The following ZBTB38 variants were observed in gnomAD, a reference collection of about 807,000 sequenced individuals.
ZBTB38 encodes zinc finger and BTB domain containing 38, also known as zinc finger and BTB domain-containing protein 38.
Under a neutral mutation model 76.8 loss-of-function variants are expected in ZBTB38, and 20 were observed. That is an observed-to-expected ratio of 0.26 (90% CI 0.18 to 0.38). The LOEUF (loss-of-function observed/expected upper bound fraction) is 0.38, where lower values mean the gene tolerates loss of function less well. Among genes scored for constraint, ZBTB38 ranks in the 10% least tolerant of loss-of-function variants. The pLI is 1.00. For synonymous variants in ZBTB38, 504 were observed against 544.2 expected (o/e 0.93, Z 1.03); for missense variants, 1,082 against 1,482.3 (o/e 0.73, Z 4.43).
intron 5 of ZBTB38, among the ~76,000 whole-genome samples, chr3:141,406,488 A>G (rs1178458713): frequency 9.9e-5 from 15 of 152,222 alleles, no homozygotes; most frequent in Non-Finnish European, 1.3e-4. Context: ...GAGGAAACTC[A>G]GAAGGAGGTA....
intron 4 of ZBTB38, among the ~76,000 whole-genome samples, chr3:141,395,825 C>T (rs906629086): frequency 2.6e-5 from 4 of 152,118 alleles, no homozygotes; most frequent in South Asian, 2.1e-4. Context: ...TTTAGTTTCC[C>T]GGTGCATATA....
chr3:141,445,033 A>G lies in ZBTB38; in HGVS notation c.2645A>G (p.Glu882Gly). The G allele has an allele frequency of 6.2e-7, 1 of 1,614,228 alleles. No individual in the cohort carries two copies. Residue 882 changes from glutamate (E) to glycine (G), a missense_variant, in exon 6 of 6, where the codon GAA becomes GGA. Around this residue, in one of 8 missense-constraint regions of ZBTB38, gnomAD observed 471 missense variants for 581.0 expected, o/e 0.81. Coordinates refer to ENST00000321464, the MANE Select transcript of ZBTB38 (RefSeq NM_001376113.1). This position sits in a 1 kb window ranked among gnomAD's most constrained non-coding sequence, Gnocchi z 6.5. ...CCTTTGCCACAGGGGAATGACCCAG[A>G]ACCCAGTGGAGACAGCCCACTCGGG... ...EEPLPQGNDP[E>G]PSGDSPLGLC... is the part of the protein sequence containing the mutation.
In ZBTB38 at chr3:141,442,594, T is replaced by C; in HGVS notation, c.206T>C (p.Ile69Thr). The change falls in exon 6 of 6, where the codon ATT becomes ACT. Residue 69 changes from isoleucine to threonine, a missense_variant. Around this residue, in one of 8 missense-constraint regions of ZBTB38, gnomAD observed 68 missense variants for 153.0 expected, o/e 0.44. Coordinates refer to ENST00000321464, the MANE Select transcript of ZBTB38 (RefSeq NM_001376113.1). The surrounding 1 kb of genome is among the most constrained non-coding windows in gnomAD (Gnocchi z 6.4). ...ATCTTTTGGAGCCATACAATCTGTATTTCCAGCCACGTCCTGGAGCTGGAC... is the reference window on the plus strand; with the variant it reads ...ATCTTTTGGAGCCATACAATCTGTACTTCCAGCCACGTCCTGGAGCTGGAC... The part of the protein sequence containing the change: ...KNIFWSHTIC[I>T]SSHVLELDDL... 6.2e-7 allele frequency: 1 copy of C among 1,614,214 alleles called. No individual in the cohort carries two copies. Among genetic ancestry groups the C allele is most frequent in the Non-Finnish European group, 8.5e-7 (1 of 1,180,028 alleles).
intron 4 of ZBTB38, among the ~76,000 whole-genome samples, chr3:141,390,959 A>G (rs1948691651): frequency 6.6e-6 from 1 of 152,214 alleles, no homozygotes; most frequent in South Asian, 2.1e-4. Context: ...GTTTGAGACC[A>G]GCCTGGGCAA....
chr3:141,364,153 G>A (rs1943892138), upstream of ZBTB38, among the ~76,000 whole-genome samples: 1 of 151,784 alleles, frequency 6.6e-6, no homozygotes, highest in Non-Finnish European at 1.5e-5. Context: ...TAGGCCGAGT[G>A]TGGTGGCTCA....
chr3:141,342,411 A>AAAAAAAAAAG (rs1943224540), intron 1 of ZBTB38, among the ~76,000 whole-genome samples: 1 of 150,926 alleles, frequency 6.6e-6, no homozygotes. Flanking sequence ...AAAAAAAAAA[A>AAAAAAAAAAG]GTAACAATGG....
In ZBTB38 at chr3:141,424,615, T is replaced by C. The variant is rs373964076; in HGVS notation, c.1-17774T>C. Among the ~76,000 whole-genome samples, 5 of 152,166 alleles carry C rather than the reference T, an allele frequency of 3.3e-5. No individual in the cohort carries two copies. The South Asian group carries it at 6.2e-4, about 19-fold the overall frequency. On this transcript the variant is annotated intron_variant, in intron 5 of 5. Coordinates refer to ENST00000321464, the MANE Select transcript of ZBTB38 (RefSeq NM_001376113.1). ...TAAAGAAAGAAAATTATTTAAATGA[T>C]AGTTATAATTAAATGCCTGTATGTG...
chr3:141,423,107 C>T (rs571258799), intron 5 of ZBTB38, among the ~76,000 whole-genome samples: 3 of 152,274 alleles, frequency 2.0e-5, no homozygotes, highest in East Asian at 3.9e-4. Context: ...CCTGACGATA[C>T]GGCCTGCAGA....
At chr3:141,337,288 A>G (rs763704938) in intron 1 of ZBTB38, among the ~76,000 whole-genome samples, 30 of 152,354 alleles carry the variant, frequency 2.0e-4, no homozygotes, top group Admixed American at 3.3e-4. Context: ...AACACGTAGA[A>G]ATGCCTCATC....
At chr3:141,429,285 C>T (rs1341724370) in intron 5 of ZBTB38, among the ~76,000 whole-genome samples, 4 of 108,086 alleles carry the variant, frequency 3.7e-5, no homozygotes, top group African/African-American at 1.0e-4. Context: ...TTGCTTTTTG[C>T]GGGGATTGTG....
At position 141,339,368 on chromosome 3, in the gene ZBTB38, G is replaced by A. The variant is rs1004300829; in HGVS notation, c.-739+14912G>A. Reference sequence around the variant, plus strand: ...CCTTTGGAGCATTTTGAACAGAAGAGTAGTATGATCTTGTTTAAGTTTTTA... The same window carrying A: ...CCTTTGGAGCATTTTGAACAGAAGAATAGTATGATCTTGTTTAAGTTTTTA... On this transcript the variant is annotated intron_variant, in intron 1 of 7. Transcript: ENST00000509842. 2.0e-5 allele frequency among the ~76,000 whole-genome samples: 3 copies of A among 152,174 alleles called. No homozygotes were observed. The East Asian group carries it at 5.8e-4, about 29-fold the overall frequency.
chr3:141,360,698 G>T (rs536232072), intron 1 of ZBTB38, among the ~76,000 whole-genome samples: 99 of 152,226 alleles, frequency 6.5e-4, no homozygotes, highest in African/African-American at 2.3e-3. Flanking sequence ...CTTCACCTCG[G>T]CACTATCGAC....
chr3:141,445,919 A>C lies in ZBTB38; in HGVS notation c.3531A>C (p.Ser1177=). 1 of 1,606,006 alleles carries C rather than the reference A, an allele frequency of 6.2e-7. No homozygotes were observed. ...NPLENQHFIG[S]EDNDQKDNIQ... ...TGGAGAATCAACATTTCATTGGTTC[A>C]GAAGACAATGACCAAAAGGATAACA... The change falls in exon 6 of 6, where the codon TCA becomes TCC. Residue 1177 remains serine, a synonymous_variant. Coordinates refer to ENST00000321464, the MANE Select transcript of ZBTB38 (RefSeq NM_001376113.1). The surrounding 1 kb of genome is among the most constrained non-coding windows in gnomAD (Gnocchi z 6.5).
rs1267808052 is a variant in ZBTB38, at chr3:141,443,304, C to T, written c.916C>T (p.Arg306Cys). The T allele has an allele frequency of 9.3e-6, 15 of 1,614,076 alleles. No homozygotes were observed. Among genetic ancestry groups the T allele is most frequent in the South Asian group, 6.6e-5 (6 of 91,084 alleles). Residue 306 changes from arginine (R) to cysteine (C), a missense_variant, in exon 6 of 6, where the codon CGT becomes TGT. Physicochemically the swap from Arg to Cys is radical, Grantham distance 180. This residue lies in a region of ZBTB38 where 324 missense variants were observed against 359.1 expected (regional missense o/e 0.90). Coordinates refer to ENST00000321464, the MANE Select transcript of ZBTB38 (RefSeq NM_001376113.1). This position sits in a 1 kb window ranked among gnomAD's most constrained non-coding sequence, Gnocchi z 5.6. ...RSPQPAAVLT[R>C]SKSPNNEGDV... Reference sequence around the variant, plus strand: ...TCCACAACCAGCTGCTGTTCTCACTCGTTCAAAATCTCCAAACAATGAAGG... The same window carrying T: ...TCCACAACCAGCTGCTGTTCTCACTTGTTCAAAATCTCCAAACAATGAAGG...
intron 5 of ZBTB38, among the ~76,000 whole-genome samples, chr3:141,437,793 T>C (rs2079124468): frequency 6.6e-6 from 1 of 152,232 alleles, no homozygotes; most frequent in Admixed American, 6.5e-5. Context: ...TCCCAGGTGA[T>C]TTTGATGCCT....
chr3:141,394,743 G>C (rs1949936740), intron 4 of ZBTB38, among the ~76,000 whole-genome samples: 2 of 152,124 alleles, frequency 1.3e-5, no homozygotes, highest in African/African-American at 4.8e-5. Context: ...AACCACACCT[G>C]GCTGGCATAC....
chr3:141,428,681 G>A (rs903347204), intron 5 of ZBTB38, among the ~76,000 whole-genome samples: 5 of 152,202 alleles, frequency 3.3e-5, no homozygotes, highest in Admixed American at 2.0e-4. Context: ...TCACCATGTT[G>A]GTCAGGCTTG....
At chr3:141,411,440 G>C (rs1202105562) in intron 5 of ZBTB38, among the ~76,000 whole-genome samples, 2 of 152,202 alleles carry the variant, frequency 1.3e-5, no homozygotes, top group Non-Finnish European at 2.9e-5. Flanking sequence ...CTCTTTCGTG[G>C]AAGAGATTTA....
intron 1 of ZBTB38, among the ~76,000 whole-genome samples, chr3:141,335,607 A>G (rs1942992830): frequency 6.6e-6 from 1 of 152,254 alleles, no homozygotes. Flanking sequence ...AGGAACAGGC[A>G]CAGGCCTTCC....
Sources: gnomAD v4.1 joint callset for allele counts (sites outside exome capture counted in the v4.1 genomes callset) on GRCh38, gnomAD v4.1.1 for gene constraint, gnomAD v4.1.1 regional missense constraint, Gnocchi (gnomAD v3.1) non-coding constraint, MANE v1.5 for transcripts, NCBI Gene and HGNC (gene_info 2026-07-23, HGNC 2026-07-21) for gene names.